Variants in ZP3 observed in about 807,000 individuals in gnomAD.
The protein encoded by ZP3 is zona pellucida sperm-binding protein 3.
A neutral mutation model predicts 35.6 loss-of-function variants in ZP3; 21 were observed. The observed-to-expected ratio is 0.59, with a 90% CI of 0.42 to 0.85. The LOEUF (loss-of-function observed/expected upper bound fraction) is 0.85. Among genes scored for constraint, ZP3 ranks in the 40% least tolerant of loss-of-function variants. The pLI, the probability that ZP3 is intolerant of heterozygous loss-of-function variation, is 0.00. For missense variants in ZP3, 437 were observed against 536.5 expected, an observed-to-expected ratio of 0.81 and a Z score of 1.83; for synonymous variants, 207 against 214.5, an observed-to-expected ratio of 0.96 and a Z score of 0.31.
At chr7:76,404,629 C>T (rs1050138551) in intron 1 of ZP3, 2 of 754,200 alleles carry the variant, frequency 2.7e-6, no homozygotes, top group African/African-American at 3.6e-5. Context: ...CCCATCTCTA[C>T]AAAAAGTTTT....
rs151289035 is a variant in ZP3 at position 76,425,206 on chromosome 7, T to C, written c.242T>C (p.Leu81Pro). Residue 81 changes from leucine to proline, a missense_variant, in exon 1 of 8, where the codon CTG (leucine) becomes CCG (proline). By Grantham distance (98) the Leu-to-Pro change is moderately conservative. Coordinates refer to ENST00000394857, the MANE Select transcript of ZP3 (RefSeq NM_001110354.2). ...LTLGPEACEP[L>P]VSMDTEDVVR... ...TTGGGCCCAGAGGCCTGTGAGCCTC[T>C]GGTCTCCATGGACACAGAAGATGTG... 117 of 1,613,980 alleles carry C rather than the reference T, an allele frequency of 7.2e-5. No homozygotes were observed. In the African/African-American group the frequency reaches 1.3e-3, roughly 18 times the overall value.
intron 1 of ZP3, among the ~76,000 whole-genome samples, chr7:76,398,534 A>G (rs913554229): frequency 6.6e-6 from 1 of 151,396 alleles, no homozygotes; most frequent in Non-Finnish European, 1.5e-5. Context: ...GGAGCTCCCA[A>G]CCTCAAGTGA....
intron 5 of ZP3, among the ~76,000 whole-genome samples, chr7:76,439,098 C>T (rs1207195415): frequency 2.2e-5 from 3 of 135,388 alleles, no homozygotes; most frequent in African/African-American, 5.5e-5. Context: ...CGTGCCATTG[C>T]ACTCCAGCCT....
intron 2 of ZP3, among the ~76,000 whole-genome samples, chr7:76,430,223 A>C (rs1279265739): frequency 6.6e-6 from 1 of 152,064 alleles, no homozygotes; most frequent in East Asian, 1.9e-4. Flanking sequence ...AAATAATAAT[A>C]AAATAGTGCT....
chr7:76,413,901 A>T (rs1805307402), intron 1 of ZP3, among the ~76,000 whole-genome samples: 1 of 152,034 alleles, frequency 6.6e-6, no homozygotes, highest in South Asian at 2.1e-4. Context: ...TCTTGGGCTG[A>T]AGCAATCCTC....
At chr7:76,403,273 C>T (rs1804887385) in intron 1 of ZP3, among the ~76,000 whole-genome samples, 1 of 152,134 alleles carries the variant, frequency 6.6e-6, no homozygotes, top group Non-Finnish European at 1.5e-5. Flanking sequence ...AGTTCTGACA[C>T]TTTCCTTATA....
chr7:76,423,083 G>GAA (rs112820061), upstream of ZP3, among the ~76,000 whole-genome samples: 3 of 133,366 alleles, frequency 2.2e-5, no homozygotes, highest in Admixed American at 1.6e-4. Flanking sequence ...AAGAAAGAAA[G>GAA]AAAAGAAATT....
chr7:76,416,820 A>C (rs561258106), intron 1 of ZP3, among the ~76,000 whole-genome samples: 4,702 of 148,352 alleles, frequency 0.032, 106 homozygotes, highest in Non-Finnish European at 0.047. Flanking sequence ...CTCTCTCTAT[A>C]TATATATACA....
At chr7:76,398,735 G>C (rs1161650925) in intron 1 of ZP3, 4 of 1,613,492 alleles carry the variant, frequency 2.5e-6, no homozygotes, top group Non-Finnish European at 3.4e-6. Flanking sequence ...CCATTCGGCA[G>C]TGTCGTAGGA....
chr7:76,403,312 C>T (rs538289978), intron 1 of ZP3, among the ~76,000 whole-genome samples: 7 of 151,908 alleles, frequency 4.6e-5, no homozygotes, highest in East Asian at 1.9e-4. Flanking sequence ...TACTTGTGTA[C>T]GCATTTTACT....
At chr7:76,411,660 G>A (rs1215720338) in intron 1 of ZP3, among the ~76,000 whole-genome samples, 1 of 152,116 alleles carries the variant, frequency 6.6e-6, no homozygotes, top group East Asian at 1.9e-4. Flanking sequence ...ATGCTAGTGA[G>A]GATATGGAGA....
intron 1 of ZP3, among the ~76,000 whole-genome samples, chr7:76,410,801 C>A (rs1805221178): frequency 1.3e-5 from 2 of 151,868 alleles, no homozygotes; most frequent in Admixed American, 1.3e-4. Context: ...TCGAGACCAG[C>A]CTGGCTGACA....
intron 1 of ZP3, among the ~76,000 whole-genome samples, chr7:76,419,122 C>T (rs75118087): frequency 0.024 from 3,582 of 152,004 alleles, 111 homozygotes; most frequent in East Asian, 0.13. Flanking sequence ...TAGTCCCTGC[C>T]GTATTGAGAA....
chr7:76,416,322 A>T (rs1219235657), intron 1 of ZP3, among the ~76,000 whole-genome samples: 1 of 151,924 alleles, frequency 6.6e-6, no homozygotes, highest in Non-Finnish European at 1.5e-5. Context: ...CTAGCCACTC[A>T]GGAGGCTGAG....
intron 5 of ZP3, among the ~76,000 whole-genome samples, chr7:76,436,578 T>C (rs1464276963): frequency 1.3e-5 from 2 of 152,146 alleles, no homozygotes; most frequent in African/African-American, 4.8e-5. Flanking sequence ...AAGAGAAAGA[T>C]CAACACACAG....
intron 1 of ZP3, chr7:76,400,391 T>C: frequency 1.3e-6 from 2 of 1,597,396 alleles, no homozygotes; most frequent in Non-Finnish European, 1.7e-6. Context: ...CACTCCACGT[T>C]GTCCAGCAGG....
chr7:76,402,937 G>C (rs1804877555), intron 1 of ZP3, among the ~76,000 whole-genome samples: 1 of 152,236 alleles, frequency 6.6e-6, no homozygotes, highest in Admixed American at 6.5e-5. Flanking sequence ...AGAGTGCTGG[G>C]ATTACAGGCG....
At chr7:76,436,030 C>CTTTTTTTTTTTT (rs60553917) in intron 5 of ZP3, among the ~76,000 whole-genome samples, 5 of 74,356 alleles carry the variant, frequency 6.7e-5, no homozygotes, top group East Asian at 5.5e-4. Flanking sequence ...CCCCCGCCCC[C>CTTTTTTTTTTTT]TTTTTTTTTT....
rs111488442 is a variant in ZP3, at chr7:76,424,963, C to T, written c.-2C>T. ...GCGGCTGCCTGCTGCTCTGCAGGTA[C>T]CATGGAGCTGAGCTATAGGCTCTTC... On this transcript the variant is annotated 5_prime_UTR_variant, in exon 1 of 8. Coordinates refer to ENST00000394857, the MANE Select transcript of ZP3 (RefSeq NM_001110354.2). 62 of 1,526,676 alleles carry T rather than the reference C, an allele frequency of 4.1e-5. No homozygotes were observed. The African/African-American group carries it at 4.4e-4, about 11-fold the overall frequency. The allele number at this position is 1,526,676 out of a possible 1,614,324, so 94.6% of individuals were successfully genotyped here.
Sources: allele counts gnomAD v4.1 joint callset (sites outside exome capture counted in the v4.1 genomes callset), GRCh38; gene constraint gnomAD v4.1.1; transcripts MANE v1.5; gene names NCBI Gene and HGNC (gene_info 2026-07-23, HGNC 2026-07-21).